Variants in KCNJ1 observed in about 807,000 individuals in gnomAD.
KCNJ1 encodes ATP-sensitive inward rectifier potassium channel 1.
In KCNJ1, 24 loss-of-function variants were observed where a neutral mutation model predicts 21.9. The ratio of observed to expected loss-of-function variants is 1.10; its 90% CI spans 0.79 to 1.54. KCNJ1 has a LOEUF of 1.54. Ranked by LOEUF, KCNJ1 falls within the 40% of genes most tolerant of loss-of-function variation. The pLI is 0.00. For missense variants in KCNJ1, 457 were observed against 455.4 expected (o/e 1.00, Z -0.03); for synonymous variants, 152 against 160.9 (o/e 0.94, Z 0.42).
rs118039626 is a variant in KCNJ1 at position 128,850,802 on chromosome 11, G to T, written c.-103C>A. On this transcript the variant is annotated 5_prime_UTR_variant, in exon 2 of 3. Coordinates refer to ENST00000392666, the MANE Select transcript of KCNJ1 (RefSeq NM_153766.3). ...TGGGGTGACCAGCAAGAGCTGCTTG[G>T]TTTGGGATTCCACCTGTGGGGCTCA... The T allele has an allele frequency of 1.4e-5, 14 of 985,394 alleles. No homozygotes were observed. The highest frequency in any genetic ancestry group is 1.7e-5 in the Non-Finnish European group (14 of 829,864). The allele number at this position is 985,394 out of a possible 1,614,324, so 61.0% of individuals were successfully genotyped here. A position where few individuals can be genotyped will look rare whatever the true frequency, so the allele number is the denominator to read the frequency against.
At chr11:128,852,630 C>A (rs1306001667) in intron 1 of KCNJ1, among the ~76,000 whole-genome samples, 9 of 152,256 alleles carry the variant, frequency 5.9e-5, no homozygotes, top group Admixed American at 5.9e-4. Flanking sequence ...TAGAGCTGCC[C>A]TTCAGCAAAT....
At chr11:128,858,181 A>T (rs1307656147) in intron 1 of KCNJ1, among the ~76,000 whole-genome samples, 1 of 150,156 alleles carries the variant, frequency 6.7e-6, no homozygotes, top group Non-Finnish European at 1.5e-5. Context: ...ATGGCGAGGG[A>T]TGGGGAGGGA....
At chr11:128,854,421 C>T (rs1943544243) in intron 1 of KCNJ1, among the ~76,000 whole-genome samples, 1 of 152,090 alleles carries the variant, frequency 6.6e-6, no homozygotes, top group African/African-American at 2.4e-5. Flanking sequence ...CGCAGACAAG[C>T]CAGAGGCCCA....
At chr11:128,866,503 T>TG (rs1943817847) in intron 1 of KCNJ1, 1 of 945,638 alleles carries the variant, frequency 1.1e-6, no homozygotes, top group South Asian at 4.9e-5. Flanking sequence ...ATACAGATAT[T>TG]GGGAGAAGGG....
intron 1 of KCNJ1, among the ~76,000 whole-genome samples, chr11:128,859,379 A>C (rs1943655489): frequency 6.6e-6 from 1 of 152,064 alleles, no homozygotes; most frequent in Non-Finnish European, 1.5e-5. Context: ...TCAGCCTCCC[A>C]AGTAGCTGGG....
intron 1 of KCNJ1, chr11:128,866,574 C>T: frequency 5.2e-6 from 5 of 961,696 alleles, no homozygotes; most frequent in Non-Finnish European, 6.2e-6. Context: ...GAGCAATTGT[C>T]ACAACAGTCA....
At chr11:128,845,864 G>A (rs780858848) in intron 2 of KCNJ1, among the ~76,000 whole-genome samples, 1 of 152,154 alleles carries the variant, frequency 6.6e-6, no homozygotes. Context: ...GAGTGTGTCT[G>A]TATCCAGGGT....
intron 1 of KCNJ1, among the ~76,000 whole-genome samples, chr11:128,854,784 A>G (rs1273242700): frequency 6.6e-6 from 1 of 152,156 alleles, no homozygotes; most frequent in East Asian, 1.9e-4. Context: ...ATTAGCACAA[A>G]TCGTAATGAT....
intron 2 of KCNJ1, among the ~76,000 whole-genome samples, chr11:128,842,809 A>G (rs1444620092): frequency 1.3e-5 from 2 of 152,220 alleles, no homozygotes; most frequent in Admixed American, 6.5e-5. Flanking sequence ...GGCCGGAAAC[A>G]CTTACTTATC....
At chr11:128,858,422 C>T (rs775393246) in intron 1 of KCNJ1, among the ~76,000 whole-genome samples, 9 of 151,990 alleles carry the variant, frequency 5.9e-5, no homozygotes, top group African/African-American at 9.7e-5. Flanking sequence ...TCAAATGGCA[C>T]GTGTCTCCGT....
At chr11:128,854,663 C>T (rs1405365401) in intron 1 of KCNJ1, among the ~76,000 whole-genome samples, 1 of 152,110 alleles carries the variant, frequency 6.6e-6, no homozygotes, top group African/African-American at 2.4e-5. Flanking sequence ...AGAGGCTGGG[C>T]CCTTTCTCAA....
At chr11:128,851,478 A>G (rs908754189) in intron 1 of KCNJ1, among the ~76,000 whole-genome samples, 7 of 152,202 alleles carry the variant, frequency 4.6e-5, no homozygotes, top group Non-Finnish European at 8.8e-5. Flanking sequence ...AAACCGGATA[A>G]ATCTGTAATG....
Position 128,850,661 on chromosome 11 carries a change from C to T in KCNJ1, c.-22+60G>A, listed in dbSNP as rs993303035. The T allele has an allele frequency of 3.0e-4, 249 of 834,740 alleles. 3 individuals carry two copies. The African/African-American group carries it at 4.2e-3, about 14-fold the overall frequency. 51.7% of individuals were successfully genotyped at this position (834,740 alleles called of 1,614,324 possible). A position where few individuals can be genotyped will look rare whatever the true frequency, so the allele number is the denominator to read the frequency against. ...GAGGCTCTGCATAACCAAATGCTTA[C>T]CTAGCTTTCTTGTAGCCTGGGGTGT... is the stretch of plus-strand genomic sequence containing the variant. On this transcript the variant is annotated intron_variant, in intron 2 of 2. Transcript: ENST00000392666.
At chr11:128,853,058 T>C (rs1943505206) in intron 1 of KCNJ1, among the ~76,000 whole-genome samples, 1 of 152,264 alleles carries the variant, frequency 6.6e-6, no homozygotes, top group African/African-American at 2.4e-5. Context: ...TTTGCCATTC[T>C]ATCAAAATCA....
At chr11:128,866,290 A>G (rs1258717356) in intron 1 of KCNJ1, among the ~76,000 whole-genome samples, 1 of 152,100 alleles carries the variant, frequency 6.6e-6, no homozygotes, top group Non-Finnish European at 1.5e-5. Flanking sequence ...GCAACTAATA[A>G]TCCAGGTACA....
intron 1 of KCNJ1, among the ~76,000 whole-genome samples, chr11:128,852,720 G>A (rs1943498005): frequency 6.6e-6 from 1 of 152,260 alleles, no homozygotes; most frequent in Admixed American, 6.5e-5. Flanking sequence ...GCCCACCCAG[G>A]AGCCCTCTCA....
chr11:128,865,342 T>C (rs1293104325), intron 1 of KCNJ1, among the ~76,000 whole-genome samples: 1 of 152,090 alleles, frequency 6.6e-6, no homozygotes, highest in African/African-American at 2.4e-5. Context: ...TCCATGCACA[T>C]AGCCCCTAGC....
Position 128,838,995 on chromosome 11 carries a change from G to T in KCNJ1, c.*130C>A. ...TGGGATCACAATTGCGGGGCTCAGG[G>T]GTCTTTGTGCTGGTAGACTTTGAAG... On this transcript the variant is annotated 3_prime_UTR_variant, in exon 3 of 3. Coordinates refer to ENST00000392666, the MANE Select transcript of KCNJ1 (RefSeq NM_153766.3). The T allele has an allele frequency of 2.6e-6, 2 of 775,470 alleles. No individual in the cohort carries two copies. The highest frequency in any genetic ancestry group is 3.2e-4 in the Middle Eastern group (1 of 3,092). The allele number at this position is 775,470 out of a possible 1,614,324, so 48.0% of individuals were successfully genotyped here. A position where few individuals can be genotyped will look rare whatever the true frequency, so the allele number is the denominator to read the frequency against.
rs534133027 is a variant in KCNJ1, at chr11:128,858,990, G to A, written c.-191-8100C>T. On this transcript the variant is annotated intron_variant, in intron 1 of 2. Transcript: ENST00000392666. ...GGCAGGTCACCCCTCTTATGTGATT[G>A]AAGGCACATAAGGGGTTGATTTCAC... 6.6e-4 allele frequency among the ~76,000 whole-genome samples: 100 copies of A among 152,322 alleles called. 1 individual carries two copies. Among genetic ancestry groups the A allele is most frequent in the African/African-American group, 2.1e-3 (88 of 41,574 alleles).
Sources: allele counts gnomAD v4.1 joint callset (sites outside exome capture counted in the v4.1 genomes callset), GRCh38; gene constraint gnomAD v4.1.1; transcripts MANE v1.5; gene names NCBI Gene and HGNC (gene_info 2026-07-23, HGNC 2026-07-21).